Variants in WBP2NL observed in about 807,000 individuals in gnomAD.
WBP2NL encodes postacrosomal sheath WW domain-binding protein.
Under a neutral mutation model 23.3 loss-of-function variants are expected in WBP2NL, and 27 were observed. That is an observed-to-expected ratio of 1.16 (90% CI 0.85 to 1.60). WBP2NL has a LOEUF of 1.60. WBP2NL is among the 40% of genes most tolerant of loss of function. The probability of loss-of-function intolerance (pLI) is 0.00; values close to 1 mark genes in which losing one functional copy is unlikely to be tolerated. For missense variants in WBP2NL, 370 were observed against 389.5 expected, an observed-to-expected ratio of 0.95 and a Z score of 0.42; for synonymous variants, 151 against 145.9, an observed-to-expected ratio of 1.03 and a Z score of -0.25.
chr22:42,038,159 T>G (rs937133743), intron 8 of WBP2NL, among the ~76,000 whole-genome samples: 3 of 152,326 alleles, frequency 2.0e-5, no homozygotes, highest in Middle Eastern at 6.8e-3. Flanking sequence ...TCTTCCATAC[T>G]TGTTTTGTTG....
At chr22:42,035,373 C>T (rs944199720), downstream of WBP2NL, among the ~76,000 whole-genome samples, 1 of 152,222 alleles carries the variant, frequency 6.6e-6, no homozygotes, top group Non-Finnish European at 1.5e-5. Flanking sequence ...CCACCTGCCC[C>T]TCTGGGCCCT....
intron 1 of WBP2NL, among the ~76,000 whole-genome samples, chr22:42,010,895 G>GT (rs1189735790): frequency 6.6e-6 from 1 of 152,120 alleles, no homozygotes; most frequent in East Asian, 1.9e-4. Context: ...TGATCGCATG[G>GT]TTTTTTCCCT....
At chr22:42,024,579 T>G (rs1039902309) in intron 5 of WBP2NL, among the ~76,000 whole-genome samples, 1 of 152,188 alleles carries the variant, frequency 6.6e-6, no homozygotes, top group Admixed American at 6.5e-5. Context: ...AATTTGCATT[T>G]CCTTAATGAC....
At chr22:42,049,089 G>A (rs1351045873) in intron 8 of WBP2NL, among the ~76,000 whole-genome samples, 1 of 152,178 alleles carries the variant, frequency 6.6e-6, no homozygotes, top group African/African-American at 2.4e-5. Flanking sequence ...CAAAGTCAAA[G>A]AACTGATCCT....
At chr22:42,018,011 A>G (rs1923473983) in intron 1 of WBP2NL, among the ~76,000 whole-genome samples, 1 of 152,018 alleles carries the variant, frequency 6.6e-6, no homozygotes, top group Non-Finnish European at 1.5e-5. Flanking sequence ...TTAGCCTGGC[A>G]TGGTGGCAGG....
intron 1 of WBP2NL, chr22:42,001,419 T>C (rs767330462): frequency 1.7e-5 from 13 of 776,510 alleles, no homozygotes; most frequent in Non-Finnish European, 2.6e-5. Flanking sequence ...CGGTAGATAA[T>C]ACCCTGCACA....
chr22:42,053,826 TTCTTTGTC>T (rs1486883823), intron 8 of WBP2NL, among the ~76,000 whole-genome samples: 1 of 152,196 alleles, frequency 6.6e-6, no homozygotes, highest in Non-Finnish European at 1.5e-5. Context: ...TCTATTCAAA[TTCTTTGTC>T]TATTTTTAAT....
At chr22:42,022,621 C>T (rs1221484583) in intron 5 of WBP2NL, among the ~76,000 whole-genome samples, 2 of 152,212 alleles carry the variant, frequency 1.3e-5, no homozygotes, top group Non-Finnish European at 2.9e-5. Context: ...AGGGTCACTT[C>T]CTGTTTATAG....
At chr22:42,033,406 T>C (rs1925064661), downstream of WBP2NL, among the ~76,000 whole-genome samples, 1 of 152,216 alleles carries the variant, frequency 6.6e-6, no homozygotes, top group Admixed American at 6.5e-5. Flanking sequence ...TTCTTCTCTT[T>C]GCCCACAACA....
intron 1 of WBP2NL, among the ~76,000 whole-genome samples, chr22:41,999,940 A>G (rs749559350): frequency 5.9e-5 from 9 of 151,998 alleles, no homozygotes; most frequent in Non-Finnish European, 8.8e-5. Flanking sequence ...CTTCAAGCAC[A>G]CTTGTTCACT....
chr22:42,018,998 G>A (rs1047500842), intron 1 of WBP2NL, among the ~76,000 whole-genome samples: 2 of 151,480 alleles, frequency 1.3e-5, no homozygotes, highest in Non-Finnish European at 2.9e-5. Flanking sequence ...TGAGGCGGGC[G>A]GATCACAAGG....
chr22:42,023,323 G>T (rs1421903871), intron 5 of WBP2NL, among the ~76,000 whole-genome samples: 1 of 151,690 alleles, frequency 6.6e-6, no homozygotes. Context: ...ACCAGAGTAG[G>T]CTAGGACCAC....
intron 8 of WBP2NL, among the ~76,000 whole-genome samples, chr22:42,047,519 G>A (rs965586242): frequency 2.0e-5 from 3 of 151,282 alleles, no homozygotes; most frequent in African/African-American, 2.4e-5. Flanking sequence ...GAACCTGGGC[G>A]GCGGAGGTTG....
intron 5 of WBP2NL, 121 bp downstream of exon 5, chr22:42,022,477 A>G (rs1924068719): frequency 6.8e-6 from 6 of 883,430 alleles, no homozygotes; most frequent in African/African-American, 1.7e-5. Flanking sequence ...GGCTTGGAAA[A>G]TGGTCACATC....
chr22:42,005,743 C>T (rs1296138265), intron 1 of WBP2NL, among the ~76,000 whole-genome samples: 1 of 152,172 alleles, frequency 6.6e-6, no homozygotes, highest in Non-Finnish European at 1.5e-5. Flanking sequence ...AGATCAGCTG[C>T]AGGCAAGAGC....
intron 1 of WBP2NL, among the ~76,000 whole-genome samples, chr22:41,999,956 C>G (rs133305): frequency 2.0e-5 from 3 of 151,918 alleles, no homozygotes; most frequent in Admixed American, 6.5e-5. Context: ...TCACTAAGGC[C>G]TGACTCCACT....
chr22:42,006,199 C>T (rs1178807320), intron 1 of WBP2NL, among the ~76,000 whole-genome samples: 1 of 150,982 alleles, frequency 6.6e-6, no homozygotes, highest in Non-Finnish European at 1.5e-5. Context: ...TAGGCTCCTT[C>T]TAATTTATTT....
At chr22:42,029,378 A>AT (rs569471092), downstream of WBP2NL, among the ~76,000 whole-genome samples, 209 of 143,470 alleles carry the variant, frequency 1.5e-3, no homozygotes, top group South Asian at 0.016. Context: ...TTTTCTATGC[A>AT]TTTTTTTTTT....
intron 8 of WBP2NL, among the ~76,000 whole-genome samples, chr22:42,053,714 T>C (rs1448058820): frequency 6.6e-6 from 1 of 152,098 alleles, no homozygotes; most frequent in African/African-American, 2.4e-5. Flanking sequence ...TGCCTCGGCC[T>C]CCCAAAGTGC....
Sources: gnomAD v4.1 joint callset for allele counts (sites outside exome capture counted in the v4.1 genomes callset) on GRCh38, gnomAD v4.1.1 for gene constraint, MANE v1.5 for transcripts, NCBI Gene and HGNC (gene_info 2026-07-23, HGNC 2026-07-21) for gene names.